The following MTHFD1L variants were observed in gnomAD, a reference collection of about 807,000 sequenced individuals.
MTHFD1L encodes the protein methylenetetrahydrofolate dehydrogenase (NADP+ dependent) 1 like.
Under a neutral mutation model 119.5 loss-of-function variants are expected in MTHFD1L, and 81 were observed. The ratio of observed to expected loss-of-function variants is 0.68; its 90% CI spans 0.57 to 0.82. MTHFD1L has a LOEUF of 0.82. MTHFD1L is among the 40% of genes least tolerant of loss of function. The pLI is 0.00. For synonymous variants in MTHFD1L, 430 were observed against 475.2 expected (o/e 0.90, Z 1.24); for missense variants, 1,125 against 1,253.4 (o/e 0.90, Z 1.55).
At chr6:150,918,724 G>A in intron 9 of MTHFD1L, 56 bp downstream of exon 9, 2 of 1,447,636 alleles carry the variant, frequency 1.4e-6, no homozygotes, top group South Asian at 1.1e-5. Context: ...ATTAATAGTT[G>A]CTAACATTTT....
At position 150,918,808 on chromosome 6, in the gene MTHFD1L, G is replaced by C. The variant is rs1788425401; in HGVS notation, c.984+140G>C. 8.8e-6 allele frequency: 6 copies of C among 680,288 alleles called. No homozygotes were observed. In the East Asian group the frequency reaches 1.6e-4, roughly 18 times the overall value. The allele number at this position is 680,288 out of a possible 1,614,324, so 42.1% of individuals were successfully genotyped here. A position where few individuals can be genotyped will look rare whatever the true frequency, so the allele number is the denominator to read the frequency against. Reference sequence around the variant, plus strand: ...GTGTTAGGCCCATTTGATAAGTGAAGAAATGGTGATTTTGAAAAATGAAGT... The same window carrying C: ...GTGTTAGGCCCATTTGATAAGTGAACAAATGGTGATTTTGAAAAATGAAGT... On this transcript the variant is annotated intron_variant, in intron 9 of 27. Transcript: ENST00000367321.
chr6:150,973,515 TAAGTG>T (rs1236160587), intron 20 of MTHFD1L, among the ~76,000 whole-genome samples: 11 of 152,154 alleles, frequency 7.2e-5, no homozygotes, highest in Admixed American at 1.3e-4. Context: ...GTTGGGTGCT[TAAGTG>T]AAGTGGTGGT....
intron 2 of MTHFD1L, among the ~76,000 whole-genome samples, chr6:150,877,202 A>T (rs1375008366): frequency 6.6e-6 from 1 of 152,070 alleles, no homozygotes; most frequent in Admixed American, 6.5e-5. Context: ...GCAGGCATGC[A>T]CCATCACGCC....
chr6:151,052,426 C>T (rs1418854258), intron 26 of MTHFD1L, among the ~76,000 whole-genome samples: 2 of 152,202 alleles, frequency 1.3e-5, no homozygotes, highest in African/African-American at 2.4e-5. Context: ...CAAGCTGATA[C>T]ATGCAAACAA....
intron 26 of MTHFD1L, among the ~76,000 whole-genome samples, chr6:151,058,920 C>T (rs1790309105): frequency 1.3e-5 from 2 of 152,008 alleles, no homozygotes; most frequent in South Asian, 2.1e-4. Context: ...CAGGTGATCA[C>T]CCCGTGTCAG....
intron 26 of MTHFD1L, among the ~76,000 whole-genome samples, chr6:151,069,569 G>A (rs1483448389): frequency 6.6e-6 from 1 of 152,148 alleles, no homozygotes; most frequent in Non-Finnish European, 1.5e-5. Context: ...TCAGAAGAAA[G>A]TGCTCCCATT....
chr6:151,032,419 A>C (rs1785468335), intron 24 of MTHFD1L, among the ~76,000 whole-genome samples: 2 of 152,136 alleles, frequency 1.3e-5, no homozygotes, highest in South Asian at 4.1e-4. Flanking sequence ...GAGAACTCAG[A>C]GTGAGAACTC....
chr6:151,063,122 A>G (rs550530883), intron 26 of MTHFD1L, among the ~76,000 whole-genome samples: 21 of 152,156 alleles, frequency 1.4e-4, no homozygotes, highest in Non-Finnish European at 2.9e-4. Flanking sequence ...TGCCTAAAGA[A>G]CTGACTTTCC....
chr6:151,001,187 TG>T (rs998733679), intron 20 of MTHFD1L, among the ~76,000 whole-genome samples: 1 of 152,230 alleles, frequency 6.6e-6, no homozygotes, highest in Non-Finnish European at 1.5e-5. Context: ...GATATATGTT[TG>T]TTGCACACAT....
chr6:150,882,900 A>G lies in MTHFD1L; in HGVS notation c.542+14A>G. Reference sequence around the variant, plus strand: ...AGATGTGGATGGGTAAGAAAATAAAATCAAATAATCAACCTTTATGGCTAA... The same window carrying G: ...AGATGTGGATGGGTAAGAAAATAAAGTCAAATAATCAACCTTTATGGCTAA... On this transcript the variant is annotated intron_variant, in intron 5 of 27. Coordinates refer to ENST00000367321, the MANE Select transcript of MTHFD1L (RefSeq NM_015440.5). 6.4e-7 allele frequency: 1 copy of G among 1,560,920 alleles called. No individual in the cohort carries two copies. The highest frequency in any genetic ancestry group is 8.6e-7 in the Non-Finnish European group (1 of 1,163,458).
At chr6:150,912,043 A>G (rs1212140559) in intron 8 of MTHFD1L, among the ~76,000 whole-genome samples, 1 of 152,128 alleles carries the variant, frequency 6.6e-6, no homozygotes, top group African/African-American at 2.4e-5. Context: ...TTTAAAAACC[A>G]GATCTCAGGA....
intron 26 of MTHFD1L, among the ~76,000 whole-genome samples, chr6:151,037,567 C>T (rs1168201959): frequency 3.9e-5 from 6 of 152,094 alleles, no homozygotes; most frequent in Non-Finnish European, 5.9e-5. Flanking sequence ...TTCCCCAGCA[C>T]GTCAGGTGGG....
intron 7 of MTHFD1L, among the ~76,000 whole-genome samples, chr6:150,901,812 C>A (rs1305383822): frequency 6.6e-6 from 1 of 152,174 alleles, no homozygotes; most frequent in Non-Finnish European, 1.5e-5. Context: ...TAATGTTCAT[C>A]ATTTTGAACA....
intron 19 of MTHFD1L, among the ~76,000 whole-genome samples, chr6:150,968,663 C>T (rs951983519): frequency 5.9e-5 from 9 of 151,386 alleles, no homozygotes; most frequent in Admixed American, 5.3e-4. Context: ...GCGCCTGCCA[C>T]CACACCCGGC....
At chr6:150,927,780 T>G (rs1446235103) in intron 11 of MTHFD1L, among the ~76,000 whole-genome samples, 1 of 151,914 alleles carries the variant, frequency 6.6e-6, no homozygotes, top group African/African-American at 2.4e-5. Flanking sequence ...TTAAACATGT[T>G]GGGGAAGCAG....
intron 24 of MTHFD1L, among the ~76,000 whole-genome samples, chr6:151,018,156 T>C (rs986173407): frequency 2.0e-5 from 3 of 152,158 alleles, no homozygotes; most frequent in Non-Finnish European, 2.9e-5. Flanking sequence ...GGGTAGTGCA[T>C]GATTGTGGAG....
intron 13 of MTHFD1L, chr6:150,939,290 G>A (rs1004082490): frequency 1.3e-5 from 2 of 152,442 alleles, no homozygotes; most frequent in African/African-American, 2.4e-5. Flanking sequence ...GTCCCTGCAC[G>A]AGGATGACAC....
intron 27 of MTHFD1L, among the ~76,000 whole-genome samples, chr6:151,095,255 G>C (rs1160863071): frequency 1.3e-5 from 2 of 152,222 alleles, no homozygotes; most frequent in Non-Finnish European, 2.9e-5. Context: ...TTTGGTGTGA[G>C]CTTGTGTGTT....
chr6:150,867,054 C>G (rs1778493457), intron 1 of MTHFD1L, among the ~76,000 whole-genome samples: 1 of 152,214 alleles, frequency 6.6e-6, no homozygotes, highest in Admixed American at 6.5e-5. Flanking sequence ...GCCTTTCTCT[C>G]TGCCTTTCCT....
Sources: allele counts gnomAD v4.1 joint callset (sites outside exome capture counted in the v4.1 genomes callset), GRCh38; gene constraint gnomAD v4.1.1; transcripts MANE v1.5; gene names NCBI Gene and HGNC (gene_info 2026-07-23, HGNC 2026-07-21).